ENOSF1: variants seen among roughly 807,000 people sequenced by gnomAD.
ENOSF1 encodes the protein enolase superfamily member 1.
ENOSF1 carries 73 observed loss-of-function variants against 68.2 expected under a neutral mutation model. That is an observed-to-expected ratio of 1.07 (90% CI 0.89 to 1.30). The LOEUF (loss-of-function observed/expected upper bound fraction) is 1.30. Among genes scored for constraint, ENOSF1 ranks in the 50% most tolerant of loss-of-function variants. The probability of loss-of-function intolerance (pLI) is 0.00; values close to 1 mark genes in which losing one functional copy is unlikely to be tolerated. For missense variants in ENOSF1, 589 were observed against 554.5 expected (o/e 1.06, Z -0.62); for synonymous variants, 223 against 210.4 (o/e 1.06, Z -0.52).
At chr18:685,852 T>C (rs2076566574) in intron 10 of ENOSF1, 69 bp downstream of exon 10, 1 of 1,213,850 alleles carries the variant, frequency 8.2e-7, no homozygotes, top group Non-Finnish European at 1.2e-6. Context: ...TGTTCTTTAA[T>C]CTTGAAACGA....
chr18:665,843 T>C (rs56405278), downstream of ENOSF1, among the ~76,000 whole-genome samples: 1 of 97,214 alleles, frequency 1.0e-5, no homozygotes, highest in Non-Finnish European at 1.9e-5. Flanking sequence ...GTTTCTTAGT[T>C]CTGAGTTCTA....
chr18:700,638 A>G (rs2078240146), intron 2 of ENOSF1, among the ~76,000 whole-genome samples: 1 of 151,982 alleles, frequency 6.6e-6, no homozygotes, highest in Admixed American at 6.6e-5. Context: ...TAATCCCAGC[A>G]CTTTGGGAGG....
chr18:712,553 C>G lies in ENOSF1; in HGVS notation c.35G>C (p.Arg12Pro). ...VRGRISRLSV[R>P]DVRFPTSLGG... Reference sequence around the variant, plus strand: ...AAGCGACGTGGGGAAGCGCACGTCCCGGACCGAGAGCCGGGAGATCCTGCC... The same window carrying G: ...AAGCGACGTGGGGAAGCGCACGTCCGGGACCGAGAGCCGGGAGATCCTGCC... The change falls in exon 1 of 16, where the codon CGG becomes CCG. Residue 12 changes from arginine to proline, a missense_variant. Physicochemically the swap from Arg to Pro is moderately radical, Grantham distance 103. Coordinates refer to ENST00000647584, the MANE Select transcript of ENOSF1 (RefSeq NM_017512.7). The G allele has an allele frequency of 1.3e-6, 2 of 1,539,614 alleles. No homozygotes were observed. Among genetic ancestry groups the G allele is most frequent in the East Asian group, 2.4e-5 (1 of 40,840 alleles).
At chr18:675,044 T>A (rs553580822) in intron 15 of ENOSF1, among the ~76,000 whole-genome samples, 1 of 152,364 alleles carries the variant, frequency 6.6e-6, no homozygotes, top group South Asian at 2.1e-4. Flanking sequence ...ACTTGCTAGA[T>A]GGTGCCAGGT....
Position 678,017 on chromosome 18 carries a change from C to T in ENOSF1, c.919-145G>A, listed in dbSNP as rs913555562. The T allele has an allele frequency of 1.9e-5, 19 of 996,056 alleles. No individual in the cohort carries two copies. The East Asian group carries it at 1.9e-4, about 10-fold the overall frequency. The allele number at this position is 996,056 out of a possible 1,614,324, so 61.7% of individuals were successfully genotyped here. The stretch of plus-strand genomic sequence containing the variant: ...CCAGACTGTATTTCTTCTTTGTTCT[C>T]GCTGGGCATGAGGCGAGCTTTTATA... On this transcript the variant is annotated intron_variant, in intron 12 of 15. Coordinates refer to ENST00000647584, the MANE Select transcript of ENOSF1 (RefSeq NM_017512.7).
At chr18:701,396 A>G (rs1194238380) in intron 2 of ENOSF1, among the ~76,000 whole-genome samples, 1 of 151,900 alleles carries the variant, frequency 6.6e-6, no homozygotes, top group Non-Finnish European at 1.5e-5. Flanking sequence ...GGTATGTGGG[A>G]AATCTTTGTA....
At chr18:690,798 A>C in intron 7 of ENOSF1, 167 bp from the exon 8 acceptor site, 1 of 1,481,170 alleles carries the variant, frequency 6.8e-7, no homozygotes, top group Non-Finnish European at 8.9e-7. Flanking sequence ...CCAGGTGATC[A>C]GGATACTCTC....
At chr18:698,900 G>A (rs2078028346) in intron 2 of ENOSF1, among the ~76,000 whole-genome samples, 1 of 152,088 alleles carries the variant, frequency 6.6e-6, no homozygotes, top group Non-Finnish European at 1.5e-5. Flanking sequence ...GGGATTACAG[G>A]CCTGAGACAC....
At chr18:701,109 T>C (rs996857225) in intron 2 of ENOSF1, among the ~76,000 whole-genome samples, 1 of 152,070 alleles carries the variant, frequency 6.6e-6, no homozygotes, top group Non-Finnish European at 1.5e-5. Context: ...GTGTCTGAAG[T>C]AAGAGTGGTG....
downstream of ENOSF1, among the ~76,000 whole-genome samples, chr18:668,513 C>T (rs1369144559): frequency 3.3e-5 from 5 of 152,050 alleles, no homozygotes; most frequent in African/African-American, 9.7e-5. Flanking sequence ...CCAAGTCAGT[C>T]GTGTGTTGAG....
At chr18:696,542 C>A (rs1455773537) in intron 3 of ENOSF1, among the ~76,000 whole-genome samples, 3 of 152,050 alleles carry the variant, frequency 2.0e-5, no homozygotes, top group Non-Finnish European at 2.9e-5. Flanking sequence ...ACACTACTCA[C>A]ATTATTTCTC....
Position 690,543 on chromosome 18 carries a change from G to A in ENOSF1, c.618+6C>T, listed in dbSNP as rs369988373. On this transcript the variant is annotated splice_donor_region_variant and intron_variant, in intron 8 of 15. Coordinates refer to ENST00000647584, the MANE Select transcript of ENOSF1 (RefSeq NM_017512.7). ...GCTGTCTACAAAGCCAGGTTAAAAT[G>A]CCCACCTGCTTCAACGTGTCATCTG... The A allele has an allele frequency of 2.5e-6, 4 of 1,614,038 alleles. No individual in the cohort carries two copies. In the African/African-American group the frequency reaches 4.0e-5, roughly 16 times the overall value.
intron 3 of ENOSF1, among the ~76,000 whole-genome samples, chr18:694,825 T>C (rs551937441): frequency 3.9e-4 from 59 of 152,208 alleles, no homozygotes; most frequent in African/African-American, 1.3e-3. Context: ...TCTCTATATA[T>C]ATGTTAAGTA....
intron 10 of ENOSF1, among the ~76,000 whole-genome samples, chr18:684,335 C>T (rs78022061): frequency 0.032 from 4,846 of 152,086 alleles, 214 homozygotes; most frequent in East Asian, 0.24. Context: ...CAAGACCAGG[C>T]TGGGCAACAT....
downstream of ENOSF1, chr18:669,520 G>A (rs796470138): frequency 6.0e-5 from 12 of 200,186 alleles, no homozygotes; most frequent in African/African-American, 2.6e-4. Flanking sequence ...TTACAGGCAT[G>A]TGCCACCATG....
chr18:674,541 T>TG, intron 15 of ENOSF1, 135 bp from the exon 16 acceptor site: 1 of 553,804 alleles, frequency 1.8e-6, no homozygotes, highest in Non-Finnish European at 3.1e-6. Context: ...TTTTTTGACA[T>TG]GGAGTCACTG....
chr18:698,738 C>T lies in ENOSF1; in HGVS notation c.194-1383G>A, dbSNP rs114697546. Among the ~76,000 whole-genome samples the T allele has an allele frequency of 1.0e-2, 1,514 of 152,148 alleles. 25 individuals carry two copies. Among genetic ancestry groups the T allele is most frequent in the African/African-American group, 0.033 (1,367 of 41,508 alleles). On this transcript the variant is annotated intron_variant, in intron 2 of 15. Transcript: ENST00000647584. ...TGGGCTCAAGTGATCCTTCCACCTC[C>T]GCCTCCTGAGTAGCTGAGACCACAG...
rs1267323730 is a variant in ENOSF1, at chr18:670,502, C to T, written c.*3803G>A. ...ATGGACACCTGCAGAAACCTTGCACCGATGGATAGTCTCCCTCAGCTCCGT... is the reference window on the plus strand; with the variant it reads ...ATGGACACCTGCAGAAACCTTGCACTGATGGATAGTCTCCCTCAGCTCCGT... On this transcript the variant is annotated 3_prime_UTR_variant, in exon 16 of 16. Transcript: ENST00000647584. 21 of 596,824 alleles carry T rather than the reference C, an allele frequency of 3.5e-5. No homozygotes were observed. Among genetic ancestry groups the T allele is most frequent in the African/African-American group, 1.7e-4 (9 of 53,706 alleles). 37.0% of individuals were successfully genotyped at this position (596,824 alleles called of 1,614,324 possible).
chr18:690,976 T>C, intron 7 of ENOSF1, 92 bp downstream of exon 7: 4 of 1,433,634 alleles, frequency 2.8e-6, no homozygotes, highest in Non-Finnish European at 3.9e-6. Context: ...CACAGGGCAT[T>C]TGGGAAGACA....
Sources: gnomAD v4.1 joint callset for allele counts (sites outside exome capture counted in the v4.1 genomes callset) on GRCh38, gnomAD v4.1.1 for gene constraint, MANE v1.5 for transcripts, NCBI Gene and HGNC (gene_info 2026-07-23, HGNC 2026-07-21) for gene names.